Variants in EIF4G3 observed in about 807,000 individuals in gnomAD.
EIF4G3 encodes the protein eukaryotic translation initiation factor 4 gamma 3.
Under a neutral mutation model 186.4 loss-of-function variants are expected in EIF4G3, and 34 were observed. The ratio of observed to expected loss-of-function variants is 0.18; its 90% CI spans 0.14 to 0.24. EIF4G3 has a LOEUF of 0.24. Ranked by LOEUF, EIF4G3 falls within the 10% of genes least tolerant of loss-of-function variation. EIF4G3 has a pLI of 1.00. For synonymous variants in EIF4G3, 673 were observed against 679.5 expected, an observed-to-expected ratio of 0.99 and a Z score of 0.15; for missense variants, 1,536 against 1,948.5, an observed-to-expected ratio of 0.79 and a Z score of 3.99.
At chr1:21,037,909 G>C (rs973810045) in intron 4 of EIF4G3, among the ~76,000 whole-genome samples, 10 of 152,160 alleles carry the variant, frequency 6.6e-5, no homozygotes, top group African/African-American at 2.4e-4. Context: ...GTGCACATTA[G>C]CATTACCTAG....
intron 2 of EIF4G3, among the ~76,000 whole-genome samples, chr1:21,138,563 A>C (rs2097287021): frequency 6.6e-6 from 1 of 152,140 alleles, no homozygotes; most frequent in African/African-American, 2.4e-5. Context: ...TCACACCCAT[A>C]ATCCCACACC....
rs2075391516 is a variant in EIF4G3 at position 20,969,498 on chromosome 1, G to A, written c.690C>T (p.Pro230=). The A allele has an allele frequency of 1.2e-6, 2 of 1,613,878 alleles. No individual in the cohort carries two copies. Among genetic ancestry groups the A allele is most frequent in the Non-Finnish European group, 1.7e-6 (2 of 1,179,834 alleles). ...CCTGAGGAGGAGTAGGTGTGGACGTGGGTCTTCCTATGGGTGGAGTAGGAT... is the reference window on the plus strand; with the variant it reads ...CCTGAGGAGGAGTAGGTGTGGACGTAGGTCTTCCTATGGGTGGAGTAGGAT... The part of the protein sequence containing the change: ...SRNPTPPIGR[P]TSTPTPPQQL... Residue 230 remains proline, a synonymous_variant, in exon 12 of 37, where the codon CCC becomes CCT. Coordinates refer to ENST00000602326, the MANE Select transcript of EIF4G3 (RefSeq NM_001391906.1).
intron 2 of EIF4G3, among the ~76,000 whole-genome samples, chr1:21,124,189 G>A (rs2096981336): frequency 6.6e-6 from 1 of 151,996 alleles, no homozygotes; most frequent in African/African-American, 2.4e-5. Flanking sequence ...TACTTGGGAG[G>A]CAGAGGCAGA....
intron 14 of EIF4G3, among the ~76,000 whole-genome samples, chr1:20,926,359 G>A (rs2094888249): frequency 6.6e-6 from 1 of 152,182 alleles, no homozygotes; most frequent in Non-Finnish European, 1.5e-5. Flanking sequence ...TAAATAGCAA[G>A]CATTTAATCA....
chr1:21,016,284 T>C (rs544820861), intron 4 of EIF4G3, among the ~76,000 whole-genome samples: 2 of 152,306 alleles, frequency 1.3e-5, no homozygotes, highest in South Asian at 4.1e-4. Flanking sequence ...ACAAATTCTG[T>C]AGACTACACA....
chr1:21,125,913 A>G (rs1376398009), intron 2 of EIF4G3, among the ~76,000 whole-genome samples: 1 of 151,306 alleles, frequency 6.6e-6, no homozygotes, highest in African/African-American at 2.4e-5. Flanking sequence ...GGATGAAAAA[A>G]CAGGCACAGA....
At chr1:20,960,379 T>C (rs1309356615) in intron 12 of EIF4G3, among the ~76,000 whole-genome samples, 1 of 151,354 alleles carries the variant, frequency 6.6e-6, no homozygotes, top group Non-Finnish European at 1.5e-5. Flanking sequence ...GACAGAAGAA[T>C]CACTTGAACC....
Position 20,969,508 on chromosome 1 carries a change from ATGGGT to A in EIF4G3, c.675_679del (p.Pro226ArgfsTer43). 1 of 1,613,886 alleles carries A rather than the reference ATGGGT, an allele frequency of 6.2e-7. No homozygotes were observed. The highest frequency in any genetic ancestry group is 1.3e-5 in the African/African-American group (1 of 75,036). ...AGTAGGTGTGGACGTGGGTCTTCCT[ATGGGT>A]GGAGTAGGATTTCTGCTGCCACCTC... On this transcript the variant is annotated frameshift_variant, in exon 12 of 37. Coordinates refer to ENST00000602326, the MANE Select transcript of EIF4G3 (RefSeq NM_001391906.1). LOFTEE classifies it high-confidence loss of function.
intron 15 of EIF4G3, among the ~76,000 whole-genome samples, chr1:20,902,947 T>TAA (rs1377328141): frequency 2.0e-5 from 3 of 152,240 alleles, no homozygotes; most frequent in Admixed American, 1.3e-4. Context: ...AGCCTTGTCT[T>TAA]AAACTATAAA....
intron 12 of EIF4G3, among the ~76,000 whole-genome samples, chr1:20,958,743 T>C (rs1389352692): frequency 2.6e-5 from 4 of 152,200 alleles, no homozygotes; most frequent in Non-Finnish European, 5.9e-5. Context: ...GTAGCACTGC[T>C]ATACACCAAC....
At chr1:20,864,799 G>A (rs1446469909) in intron 21 of EIF4G3, 87 bp from the exon 22 acceptor site, 21 of 1,126,424 alleles carry the variant, frequency 1.9e-5, no homozygotes, top group African/African-American at 3.1e-5. Context: ...CAGAATCCCC[G>A]TGAGAATCTG....
At chr1:21,057,294 A>G (rs543605069) in intron 3 of EIF4G3, among the ~76,000 whole-genome samples, 1 of 152,316 alleles carries the variant, frequency 6.6e-6, no homozygotes, top group East Asian at 1.9e-4. Flanking sequence ...CAATAATGAA[A>G]TTTTCATACA....
At chr1:20,937,072 A>C (rs1412909880) in intron 14 of EIF4G3, among the ~76,000 whole-genome samples, 1 of 152,190 alleles carries the variant, frequency 6.6e-6, no homozygotes, top group Non-Finnish European at 1.5e-5. Flanking sequence ...TAACACCCAT[A>C]AGAAAAGAGA....
chr1:20,969,444 T>C, intron 12 of EIF4G3, 30 bp downstream of exon 12: 2 of 1,612,688 alleles, frequency 1.2e-6, no homozygotes, highest in Non-Finnish European at 1.7e-6. Flanking sequence ...GAACAAATAG[T>C]GCCATCCATT....
At chr1:20,857,175 A>AAAAAAAAAAAG (rs1184221597) in intron 25 of EIF4G3, among the ~76,000 whole-genome samples, 5 of 150,488 alleles carry the variant, frequency 3.3e-5, no homozygotes, top group Non-Finnish European at 7.4e-5. Context: ...AAAAAAAAAA[A>AAAAAAAAAAAG]AAAAGAAAAT....
intron 10 of EIF4G3, among the ~76,000 whole-genome samples, chr1:20,973,510 T>A (rs1407005342): frequency 6.6e-6 from 1 of 152,228 alleles, no homozygotes; most frequent in African/African-American, 2.4e-5. Flanking sequence ...AGGGAATATA[T>A]CTGATCATCT....
intron 14 of EIF4G3, among the ~76,000 whole-genome samples, chr1:20,911,877 A>T (rs999201036): frequency 6.6e-6 from 1 of 151,914 alleles, no homozygotes; most frequent in Non-Finnish European, 1.5e-5. Flanking sequence ...AATTGCAAAC[A>T]CTTCCTCTAC....
intron 14 of EIF4G3, among the ~76,000 whole-genome samples, chr1:20,937,227 T>G (rs1000389544): frequency 6.6e-6 from 1 of 152,126 alleles, no homozygotes; most frequent in South Asian, 2.1e-4. Context: ...ACAGTGATGA[T>G]GAGAAAGGAC....
At chr1:20,994,063 A>G (rs2081705647) in intron 7 of EIF4G3, among the ~76,000 whole-genome samples, 1 of 152,222 alleles carries the variant, frequency 6.6e-6, no homozygotes, top group Non-Finnish European at 1.5e-5. Flanking sequence ...TTGGAAATGT[A>G]CAGTGGTGGT....
Sources: allele counts gnomAD v4.1 joint callset (sites outside exome capture counted in the v4.1 genomes callset), GRCh38; gene constraint gnomAD v4.1.1; transcripts MANE v1.5; gene names NCBI Gene and HGNC (gene_info 2026-07-23, HGNC 2026-07-21).